Variants in SYNE1 observed in about 807,000 individuals in gnomAD.
SYNE1 encodes the protein nesprin-1.
Under a neutral mutation model 1,111.0 loss-of-function variants are expected in SYNE1, and 616 were observed. The observed-to-expected ratio is 0.55, with a 90% confidence interval of 0.52 to 0.59. The LOEUF is 0.59. Among genes scored for constraint, SYNE1 ranks in the 20% least tolerant of loss-of-function variants. The pLI is 0.00. For synonymous variants in SYNE1, 3,855 were observed against 3,825.8 expected (o/e 1.01, Z -0.28); for missense variants, 10,006 against 10,417.0 (o/e 0.96, Z 1.72).
chr6:152,487,797 C>T (rs1310911772), intron 12 of SYNE1, among the ~76,000 whole-genome samples: 1 of 152,022 alleles, frequency 6.6e-6, no homozygotes, highest in Non-Finnish European at 1.5e-5. Context: ...GAGTTCTGGC[C>T]GGGCATGGTG....
rs1424936165 is a variant in SYNE1 at position 152,301,935 on chromosome 6, C to T, written c.17475G>A (p.Ala5825=). The change falls in exon 92 of 146, where the codon GCG becomes GCA. Residue 5825 remains alanine, a synonymous_variant. Transcript: ENST00000367255. The stretch of plus-strand genomic sequence containing the variant: ...CCCCATCCAGGTCCTCTGTCCCTTC[C>T]GCCAGCCCCTCGACCTCGGTCACCG... ...LLTVTEVEGL[A]EGTEDLDGEL... is the part of the protein sequence containing the mutation. 5 of 1,614,162 alleles carry T rather than the reference C, an allele frequency of 3.1e-6. No individual in the cohort carries two copies. The highest frequency in any genetic ancestry group is 1.1e-5 in the South Asian group (1 of 91,084).
chr6:152,391,662 T>A, intron 51 of SYNE1, 94 bp from the exon 52 acceptor site: 2 of 1,408,198 alleles, frequency 1.4e-6, no homozygotes, highest in Non-Finnish European at 1.9e-6. Context: ...ATTGGAGCAG[T>A]AACCAGACAC....
intron 12 of SYNE1, 100 bp from the exon 13 acceptor site, chr6:152,485,072 C>T (rs2098932036): frequency 7.8e-7 from 1 of 1,284,380 alleles, no homozygotes. Flanking sequence ...ATTTGGATAA[C>T]ACTCAATATA....
chr6:152,153,367 G>A (rs757615841), intron 133 of SYNE1, among the ~76,000 whole-genome samples: 17 of 152,116 alleles, frequency 1.1e-4, no homozygotes, highest in East Asian at 1.9e-4. Context: ...CATCCCAAAC[G>A]TTCATGCGAT....
chr6:152,487,470 C>A (rs1365571733), intron 12 of SYNE1, among the ~76,000 whole-genome samples: 4 of 152,136 alleles, frequency 2.6e-5, no homozygotes, highest in Non-Finnish European at 5.9e-5. Context: ...TGGGTTGATT[C>A]TGTGTCTTTG....
At chr6:152,435,835 A>G (rs918349880) in intron 33 of SYNE1, 106 bp downstream of exon 33, 5 of 1,376,984 alleles carry the variant, frequency 3.6e-6, no homozygotes, top group Non-Finnish European at 5.1e-6. Flanking sequence ...GCTGAAATAC[A>G]CAGACACTTT....
intron 100 of SYNE1, among the ~76,000 whole-genome samples, chr6:152,265,356 TC>T (rs2092588524): frequency 1.3e-5 from 2 of 152,070 alleles, no homozygotes; most frequent in Admixed American, 6.5e-5. Context: ...TAGATCTATA[TC>T]TCAACATGCA....
At chr6:152,575,691 C>T (rs574802337) in intron 3 of SYNE1, among the ~76,000 whole-genome samples, 13 of 152,158 alleles carry the variant, frequency 8.5e-5, no homozygotes, top group Non-Finnish European at 1.6e-4. Context: ...AGCTATGCAA[C>T]CTTGAACAAG....
chr6:152,313,035 A>T (rs1235031743), intron 87 of SYNE1, among the ~76,000 whole-genome samples: 4 of 152,218 alleles, frequency 2.6e-5, no homozygotes, highest in Non-Finnish European at 5.9e-5. Context: ...CAGGAAAAGA[A>T]ATGCATCCAC....
At position 152,444,409 on chromosome 6, in the gene SYNE1, A is replaced by G; in HGVS notation, c.3837+2T>C. 6.2e-7 allele frequency: 1 copy of G among 1,613,618 alleles called. No homozygotes were observed. Among genetic ancestry groups the G allele is most frequent in the Non-Finnish European group, 8.5e-7 (1 of 1,179,840 alleles). ...CTTGTTGGAAGAAAGAGGCATTTTT[A>G]CCTGGTGATGAAGAAGTAACTGCTG... On this transcript the variant is annotated splice_donor_variant, in intron 30 of 145. Coordinates refer to ENST00000367255, the MANE Select transcript of SYNE1 (RefSeq NM_182961.4). LOFTEE classifies it high-confidence loss of function.
chr6:152,516,996 G>A (rs1471421360), intron 6 of SYNE1, among the ~76,000 whole-genome samples: 1 of 152,216 alleles, frequency 6.6e-6, no homozygotes, highest in Non-Finnish European at 1.5e-5. Flanking sequence ...AGAGATTAGT[G>A]TGATCTGGAA....
intron 61 of SYNE1, chr6:152,368,394 G>A (rs1591273566): frequency 6.5e-6 from 1 of 153,776 alleles, no homozygotes; most frequent in African/African-American, 2.4e-5. Flanking sequence ...TTGAAAAGAG[G>A]TTTAATCAGT....
At chr6:152,582,753 G>A (rs1452056658) in intron 3 of SYNE1, among the ~76,000 whole-genome samples, 6 of 151,726 alleles carry the variant, frequency 4.0e-5, no homozygotes, top group Admixed American at 1.3e-4. Context: ...CCCTTTTTTG[G>A]AGTTTTCAGT....
rs149847519 is a variant in SYNE1 at position 152,426,962 on chromosome 6, G to A, written c.5100+731C>T. ...TCTTAAACGTCTTATAAAAGTTGAT[G>A]GGAGAAAGTTGGAGTATAAATCTGT... On this transcript the variant is annotated intron_variant, in intron 38 of 145. Transcript: ENST00000367255. 3.6e-4 allele frequency among the ~76,000 whole-genome samples: 55 copies of A among 152,324 alleles called. 1 individual carries two copies. The East Asian group carries it at 8.1e-3, about 22-fold the overall frequency.
At chr6:152,346,809 CAAACA>C (rs556800870) in intron 73 of SYNE1, among the ~76,000 whole-genome samples, 1 of 151,230 alleles carries the variant, frequency 6.6e-6, no homozygotes, top group Non-Finnish European at 1.5e-5. Context: ...GACTCCGTCT[CAAACA>C]AAACAAAACA....
chr6:152,415,409 C>T (rs531130180), intron 41 of SYNE1, among the ~76,000 whole-genome samples: 1 of 151,852 alleles, frequency 6.6e-6, no homozygotes, highest in East Asian at 1.9e-4. Flanking sequence ...TAAATGAACA[C>T]AGAGCTCAAA....
chr6:152,130,511 C>T lies in SYNE1; in HGVS notation c.26153+209G>A, dbSNP rs58450883. On this transcript the variant is annotated intron_variant, in intron 145 of 145. Transcript: ENST00000367255. ...TATGTTGAGACAAACAGAATTTTCA[C>T]GGAGTCCAAATATTTTATGCTCTGA... is the stretch of plus-strand genomic sequence containing the variant. Among the ~76,000 whole-genome samples, 9,966 of 152,222 alleles carry T rather than the reference C, an allele frequency of 0.065. 460 individuals are homozygous for T. The highest frequency in any genetic ancestry group is 0.13 in the African/African-American group (5,485 of 41,522).
At chr6:152,596,278 T>G (rs1007654008) in intron 3 of SYNE1, among the ~76,000 whole-genome samples, 40 of 148,978 alleles carry the variant, frequency 2.7e-4, no homozygotes, top group Non-Finnish European at 4.5e-4. Context: ...TTGTTTTTTT[T>G]TTTTTTTGAG....
At chr6:152,407,930 T>G (rs2097927324) in intron 44 of SYNE1, among the ~76,000 whole-genome samples, 1 of 151,338 alleles carries the variant, frequency 6.6e-6, no homozygotes, top group East Asian at 2.0e-4. Context: ...CCCGGCTAAT[T>G]TTTTGTATTT....
Sources: allele counts gnomAD v4.1 joint callset (sites outside exome capture counted in the v4.1 genomes callset), GRCh38; gene constraint gnomAD v4.1.1; transcripts MANE v1.5; gene names NCBI Gene and HGNC (gene_info 2026-07-23, HGNC 2026-07-21).